BBS2: variants seen among roughly 807,000 people sequenced by gnomAD.
BBS2 encodes the protein BBSome complex member BBS2.
BBS2 carries 62 observed loss-of-function variants against 83.0 expected under a neutral mutation model. The observed-to-expected ratio is 0.75, with a 90% CI of 0.61 to 0.92. The LOEUF is 0.92. BBS2 is among the 40% of genes least tolerant of loss of function. BBS2 has a pLI of 0.00. For synonymous variants in BBS2, 303 were observed against 326.1 expected (o/e 0.93, Z 0.76); for missense variants, 784 against 901.0 (o/e 0.87, Z 1.66).
Position 56,497,774 on chromosome 16 carries a change from T to C in BBS2, c.1766A>G (p.Tyr589Cys), listed in dbSNP as rs1220876885. 5.6e-6 allele frequency: 9 copies of C among 1,613,222 alleles called. No individual in the cohort carries two copies. The Admixed American group carries it at 6.7e-5, about 12-fold the overall frequency. The change falls in exon 14 of 17, where the codon TAT becomes TGT. Residue 589 changes from tyrosine to cysteine, a missense_variant. Transcript: ENST00000245157. ...TAGCACCTTTCGTAATTCCTCAAAATAGACAGGAAAATCCGCTTCTACTTG... is the reference window on the plus strand; with the variant it reads ...TAGCACCTTTCGTAATTCCTCAAAACAGACAGGAAAATCCGCTTCTACTTG... ...DLQVEADFPV[Y>C]FEELRKVLVK...
chr16:56,500,166 C>T, intron 11 of BBS2: 2 of 424,996 alleles, frequency 4.7e-6, no homozygotes, highest in Middle Eastern at 7.1e-4. Flanking sequence ...TAAAAAGTAT[C>T]TTATCTTCCA....
intron 2 of BBS2, among the ~76,000 whole-genome samples, chr16:56,512,220 C>T (rs1272254798): frequency 6.6e-6 from 1 of 152,146 alleles, no homozygotes; most frequent in Non-Finnish European, 1.5e-5. Flanking sequence ...TGTGGAGCAA[C>T]TGGAACTCTC....
At position 56,473,717 on chromosome 16, in the gene BBS2, T is replaced by C. The variant is rs557197347; in HGVS notation, c.*1-3022A>G. On this transcript the variant is annotated intron_variant, in intron 17 of 17. Transcript: ENST00000682047. ...TTGGTTACTTGATTTTTTTTTTTCA[T>C]GAGTTGCCTGTCATTACCTCAGTGT... Among the ~76,000 whole-genome samples, 15 of 152,298 alleles carry C rather than the reference T, an allele frequency of 9.8e-5. No homozygotes were observed. The East Asian group carries it at 2.7e-3, about 27-fold the overall frequency.
intron 17 of BBS2, chr16:56,479,116 T>A (rs1276671549): frequency 2.0e-5 from 3 of 152,218 alleles, no homozygotes; most frequent in Non-Finnish European, 4.4e-5. Context: ...ATATGGTTTC[T>A]CTCTTTATTC....
intron 1 of BBS2, among the ~76,000 whole-genome samples, chr16:56,518,177 T>C (rs1379068144): frequency 1.3e-5 from 2 of 152,316 alleles, no homozygotes; most frequent in Admixed American, 1.3e-4. Context: ...CCCGTATTAA[T>C]AGCTTAACTC....
intron 7 of BBS2, among the ~76,000 whole-genome samples, chr16:56,505,412 A>G (rs1171801385): frequency 6.6e-6 from 1 of 152,210 alleles, no homozygotes; most frequent in Non-Finnish European, 1.5e-5. Context: ...ATCCATGGAG[A>G]TCTGGCAGCT....
intron 14 of BBS2, 104 bp downstream of exon 14, chr16:56,497,639 T>C (rs1297000707): frequency 4.6e-6 from 7 of 1,517,606 alleles, no homozygotes; most frequent in Non-Finnish European, 6.3e-6. Flanking sequence ...GCAAAAATTC[T>C]TGAAAACATC....
intron 15 of BBS2, 83 bp from the exon 16 acceptor site, chr16:56,485,821 A>G (rs1231051365): frequency 1.5e-6 from 2 of 1,296,956 alleles, no homozygotes; most frequent in African/African-American, 1.5e-5. Flanking sequence ...TTAGACATAC[A>G]AAGAAAAGAC....
At chr16:56,479,407 G>A (rs1251802663), downstream of BBS2, among the ~76,000 whole-genome samples, 3 of 152,186 alleles carry the variant, frequency 2.0e-5, no homozygotes, top group Non-Finnish European at 4.4e-5. Context: ...CCAGGAGGGA[G>A]GCAGAGGTTG....
intron 5 of BBS2, among the ~76,000 whole-genome samples, chr16:56,508,722 T>C (rs1305680761): frequency 1.3e-5 from 2 of 151,222 alleles, no homozygotes; most frequent in Admixed American, 1.3e-4. Flanking sequence ...CATAGCTCAC[T>C]GTAGCCTCAA....
chr16:56,480,366 C>CAA (rs1157907841), downstream of BBS2, among the ~76,000 whole-genome samples: 18 of 90,226 alleles, frequency 2.0e-4, no homozygotes, highest in African/African-American at 7.2e-4. Flanking sequence ...AAAAAAAAAA[C>CAA]AAAAAAAAAA....
At chr16:56,499,380 T>G (rs1453253662) in intron 12 of BBS2, 17 of 292,072 alleles carry the variant, frequency 5.8e-5, no homozygotes, top group Non-Finnish European at 8.6e-5. Flanking sequence ...TGAGGGGACT[T>G]CCCCAAGATC....
chr16:56,506,019 C>A lies in BBS2; in HGVS notation c.735G>T (p.Met245Ile). The change falls in exon 7 of 17, where the codon ATG becomes ATT. Residue 245 changes from methionine to isoleucine, a missense_variant. Transcript: ENST00000245157. ...AATTAAGGTCAAAAGCATGAATGCT[C>A]ATGGCATGATTTTTCGACTGAAAAA... Reference protein sequence around the residue: ...YWRIKSKNHAMSIHAFDLNSD... With the variant: ...YWRIKSKNHAISIHAFDLNSD... 1.2e-6 allele frequency: 2 copies of A among 1,613,940 alleles called. No homozygotes were observed. Among genetic ancestry groups the A allele is most frequent in the South Asian group, 2.2e-5 (2 of 91,020 alleles).
Position 56,485,598 on chromosome 16 carries a change from C to T in BBS2, c.2051G>A (p.Arg684His), listed in dbSNP as rs138913160. 2.6e-5 allele frequency: 42 copies of T among 1,613,980 alleles called. No homozygotes were observed. The highest frequency in any genetic ancestry group is 2.3e-4 in the African/African-American group (17 of 74,922). The change falls in exon 16 of 17, where the codon CGT (arginine) becomes CAT (histidine). Residue 684 changes from arginine to histidine, a missense_variant. Transcript: ENST00000245157. ...AVNQAIQRAG[R>H]LRVGKPKNQV... is the part of the protein sequence containing the mutation. ...TATGAAAAGAGACTTACCCCGCAGACGACCTGCTCTTTGAATTGCTTGATT... is the reference window on the plus strand; with the variant it reads ...TATGAAAAGAGACTTACCCCGCAGATGACCTGCTCTTTGAATTGCTTGATT...
At position 56,499,710 on chromosome 16, in the gene BBS2, T is replaced by G. The variant is rs533253965; in HGVS notation, c.1527+68A>C. On this transcript the variant is annotated intron_variant, in intron 12 of 16. Transcript: ENST00000245157. ...ATAACACATTAATGTAATTTTCCCT[T>G]TCTATGAAATAACATCTAAAGGATT... The G allele has an allele frequency of 1.4e-5, 23 of 1,599,540 alleles. No homozygotes were observed. The African/African-American group carries it at 3.1e-4, about 21-fold the overall frequency.
At position 56,485,746 on chromosome 16, in the gene BBS2, A is replaced by G. The variant is rs1260335822; in HGVS notation, c.1911-8T>C. On this transcript the variant is annotated splice_region_variant and splice_polypyrimidine_tract_variant and intron_variant, in intron 15 of 16. Coordinates refer to ENST00000245157, the MANE Select transcript of BBS2 (RefSeq NM_031885.5). ...CGACTCTTCATTGTTTTCCTGTGCAAATCAGTAGAAATTTGACATCATTTC... is the reference window on the plus strand; with the variant it reads ...CGACTCTTCATTGTTTTCCTGTGCAGATCAGTAGAAATTTGACATCATTTC... 6.2e-7 allele frequency: 1 copy of G among 1,613,580 alleles called. No individual in the cohort carries two copies. The highest frequency in any genetic ancestry group is 8.5e-7 in the Non-Finnish European group (1 of 1,179,756).
chr16:56,517,805 T>C (rs559982725), intron 1 of BBS2, among the ~76,000 whole-genome samples: 1 of 151,926 alleles, frequency 6.6e-6, no homozygotes, highest in African/African-American at 2.4e-5. Context: ...GAAGTTCTTT[T>C]TGGCATTTGT....
intron 14 of BBS2, 73 bp from the exon 15 acceptor site, chr16:56,497,152 T>C: frequency 1.0e-6 from 1 of 975,460 alleles, no homozygotes; most frequent in South Asian, 1.3e-5. Flanking sequence ...GAAAAGACAC[T>C]ATTTACCAGA....
At chr16:56,486,699 G>A (rs1266412970) in intron 15 of BBS2, among the ~76,000 whole-genome samples, 1 of 151,630 alleles carries the variant, frequency 6.6e-6, no homozygotes, top group African/African-American at 2.4e-5. Context: ...AGGAACTGGA[G>A]GTTAGAAGAG....
Sources: gnomAD v4.1 joint callset for allele counts (sites outside exome capture counted in the v4.1 genomes callset) on GRCh38, gnomAD v4.1.1 for gene constraint, MANE v1.5 for transcripts, NCBI Gene and HGNC (gene_info 2026-07-23, HGNC 2026-07-21) for gene names.